CIRSR: variants seen among roughly 807,000 people sequenced by gnomAD.
CIRSR encodes CBF1 (RBPJ) interacting corepressor 1.
At chr2:174,362,662 G>C in the CIRSR span, among the ~76,000 whole-genome samples, 1 of 130,582 alleles carries the variant, frequency 7.7e-6, no homozygotes, top group African/African-American at 2.8e-5. Flanking sequence ...ACTCCAGCCT[G>C]GGTGACAGAG....
the CIRSR span, among the ~76,000 whole-genome samples, chr2:174,392,352 C>T: frequency 1.3e-5 from 2 of 152,110 alleles, no homozygotes; most frequent in Non-Finnish European, 2.9e-5. Context: ...GTAATGATTA[C>T]TTAACTCCAT....
At chr2:174,366,481 A>G in the CIRSR span, among the ~76,000 whole-genome samples, 19 of 152,276 alleles carry the variant, frequency 1.2e-4, no homozygotes, top group African/African-American at 4.6e-4. Context: ...AGAAATAAAG[A>G]CCTTCTCAGA....
chr2:174,350,788 A>C, the CIRSR span: 1 of 1,388,522 alleles, frequency 7.2e-7, no homozygotes, highest in East Asian at 2.3e-5. Flanking sequence ...ATTTCAACAC[A>C]AGGTAGTTAG....
the CIRSR span, among the ~76,000 whole-genome samples, chr2:174,363,598 A>G: frequency 6.6e-6 from 1 of 152,220 alleles, no homozygotes; most frequent in African/African-American, 2.4e-5. Context: ...GAAATTTACA[A>G]AAGAAAGAGG....
chr2:174,366,059 C>T, the CIRSR span, among the ~76,000 whole-genome samples: 2 of 152,184 alleles, frequency 1.3e-5, no homozygotes, highest in Non-Finnish European at 2.9e-5. Context: ...ATCAAAAACA[C>T]TATCAGACTT....
At chr2:174,370,880 C>T in the CIRSR span, among the ~76,000 whole-genome samples, 1 of 142,850 alleles carries the variant, frequency 7.0e-6, no homozygotes, top group Non-Finnish European at 1.5e-5. Flanking sequence ...CACTGCAATC[C>T]ATCCTGGGTG....
the CIRSR span, chr2:174,370,138 T>C: frequency 8.2e-7 from 1 of 1,220,192 alleles, no homozygotes; most frequent in South Asian, 1.3e-5. Flanking sequence ...TAATGGGTGG[T>C]TGAGAAGCAG....
At chr2:174,364,329 G>T in the CIRSR span, among the ~76,000 whole-genome samples, 1 of 152,214 alleles carries the variant, frequency 6.6e-6, no homozygotes, top group East Asian at 1.9e-4. Flanking sequence ...GCAAGGTATA[G>T]CCTCCCTCCT....
the CIRSR span, among the ~76,000 whole-genome samples, chr2:174,366,903 G>A: frequency 6.6e-6 from 1 of 152,024 alleles, no homozygotes; most frequent in South Asian, 2.1e-4. Flanking sequence ...TTACAACTGT[G>A]GCATACATAC....
the CIRSR span, chr2:174,351,658 A>T: frequency 6.2e-7 from 1 of 1,613,904 alleles, no homozygotes; most frequent in Non-Finnish European, 8.5e-7. Flanking sequence ...TCCCCAGTAC[A>T]TTTCGTTTCA....
the CIRSR span, chr2:174,351,637 G>A: frequency 3.7e-5 from 60 of 1,612,880 alleles, no homozygotes; most frequent in African/African-American, 5.9e-4. Context: ...GATCATTTGC[G>A]GTCAAGTTTC....
At chr2:174,390,708 G>A in the CIRSR span, among the ~76,000 whole-genome samples, 4 of 152,114 alleles carry the variant, frequency 2.6e-5, no homozygotes, top group Admixed American at 1.3e-4. Flanking sequence ...GGAGGAACCC[G>A]ATGGGAGGTA....
At chr2:174,354,512 C>A in the CIRSR span, among the ~76,000 whole-genome samples, 2 of 77,588 alleles carry the variant, frequency 2.6e-5, no homozygotes, top group African/African-American at 5.8e-5. Context: ...TTATATATAT[C>A]ATATAATATA....
chr2:174,381,815 G>GA, the CIRSR span: 8 of 1,358,412 alleles, frequency 5.9e-6, no homozygotes, highest in Non-Finnish European at 7.0e-6. Context: ...TTTTATGTAG[G>GA]ACAAAAAAAA....
the CIRSR span, among the ~76,000 whole-genome samples, chr2:174,388,149 C>T: frequency 6.6e-6 from 1 of 152,144 alleles, no homozygotes; most frequent in Non-Finnish European, 1.5e-5. Context: ...CCAATTTGGC[C>T]GCAATTACAT....
At chr2:174,353,125 G>C in the CIRSR span, among the ~76,000 whole-genome samples, 1 of 152,070 alleles carries the variant, frequency 6.6e-6, no homozygotes, top group Non-Finnish European at 1.5e-5. Context: ...AAGAACAACT[G>C]TAAGTTTGCC....
the CIRSR span, chr2:174,351,901 C>G: frequency 6.7e-6 from 3 of 449,142 alleles, no homozygotes; most frequent in Non-Finnish European, 1.2e-5. Context: ...TCTGGAGATT[C>G]AGAATAGAAA....
At chr2:174,383,413 T>C in the CIRSR span, among the ~76,000 whole-genome samples, 1 of 152,056 alleles carries the variant, frequency 6.6e-6, no homozygotes, top group Non-Finnish European at 1.5e-5. Context: ...CATTTTAAAT[T>C]CACATCATTA....
At chr2:174,377,836 A>C in the CIRSR span, among the ~76,000 whole-genome samples, 5 of 151,518 alleles carry the variant, frequency 3.3e-5, no homozygotes, top group East Asian at 7.7e-4. Context: ...AAAAAAAAAA[A>C]AAAAAAAAAA....
Sources: gnomAD v4.1 joint callset for allele counts (sites outside exome capture counted in the v4.1 genomes callset) on GRCh38, gnomAD v4.1.1 for gene constraint, MANE v1.5 for transcripts, NCBI Gene and HGNC (gene_info 2026-07-23, HGNC 2026-07-21) for gene names.